PBX3: variants seen among roughly 807,000 people sequenced by gnomAD.
PBX3 encodes pre-B-cell leukemia transcription factor 3.
A neutral mutation model predicts 48.5 loss-of-function variants in PBX3; 14 were observed. That is an observed-to-expected ratio of 0.29 (90% CI 0.19 to 0.45). PBX3 has a LOEUF of 0.45. Ranked by LOEUF, PBX3 falls within the 20% of genes least tolerant of loss-of-function variation. The pLI is 1.00. For synonymous variants in PBX3, 210 were observed against 200.3 expected, an observed-to-expected ratio of 1.05 and a Z score of -0.41; for missense variants, 386 against 546.7, an observed-to-expected ratio of 0.71 and a Z score of 2.93.
chr9:125,773,938 C>T (rs1837006341), intron 2 of PBX3, among the ~76,000 whole-genome samples: 1 of 152,138 alleles, frequency 6.6e-6, no homozygotes, highest in Non-Finnish European at 1.5e-5. Flanking sequence ...TGTACAACCA[C>T]CACTTCTTTC....
chr9:125,940,574 G>A (rs1415961699), intron 5 of PBX3, among the ~76,000 whole-genome samples: 1 of 152,130 alleles, frequency 6.6e-6, no homozygotes, highest in Non-Finnish European at 1.5e-5. Flanking sequence ...ATTTGTAATA[G>A]CCAAAACTAG....
intron 2 of PBX3, among the ~76,000 whole-genome samples, chr9:125,795,848 T>TA (rs1454328357): frequency 6.6e-6 from 1 of 152,212 alleles, no homozygotes; most frequent in Non-Finnish European, 1.5e-5. Context: ...GTGTCCTTTT[T>TA]AAGAGTTGCA....
At chr9:125,811,677 A>G (rs1838294367) in intron 2 of PBX3, among the ~76,000 whole-genome samples, 1 of 152,212 alleles carries the variant, frequency 6.6e-6, no homozygotes, top group African/African-American at 2.4e-5. Flanking sequence ...GAATGGACTA[A>G]TACAGGCTGC....
intron 2 of PBX3, among the ~76,000 whole-genome samples, chr9:125,758,292 GT>G (rs1464400627): frequency 6.6e-6 from 1 of 151,286 alleles, no homozygotes; most frequent in African/African-American, 2.4e-5. Flanking sequence ...CATCAAACCA[GT>G]TTCCTTTTTT....
chr9:125,791,269 A>G (rs1305239520), intron 2 of PBX3, among the ~76,000 whole-genome samples: 1 of 149,980 alleles, frequency 6.7e-6, no homozygotes, highest in Non-Finnish European at 1.5e-5. Context: ...ATTGTAGTAC[A>G]CATACATTTT....
rs1191562722 is a variant in PBX3, at chr9:125,764,546, A to G, written c.274+15923A>G. On this transcript the variant is annotated intron_variant, in intron 2 of 8. Coordinates refer to ENST00000373489, the MANE Select transcript of PBX3 (RefSeq NM_006195.6). Reference sequence around the variant, plus strand: ...ATAAAAGCAGATTATGTCTTAAGGCACAAAGCAAGAATAAAGAGTTTATCG... The same window carrying G: ...ATAAAAGCAGATTATGTCTTAAGGCGCAAAGCAAGAATAAAGAGTTTATCG... 2.6e-4 allele frequency among the ~76,000 whole-genome samples: 40 copies of G among 152,254 alleles called. 1 individual carries two copies.
At chr9:125,852,756 T>C (rs1194888064) in intron 2 of PBX3, among the ~76,000 whole-genome samples, 1 of 152,210 alleles carries the variant, frequency 6.6e-6, no homozygotes, top group Non-Finnish European at 1.5e-5. Flanking sequence ...TATAACTTTT[T>C]CTGAGAATAT....
chr9:125,853,924 A>G (rs965241914), intron 2 of PBX3, among the ~76,000 whole-genome samples: 2 of 152,168 alleles, frequency 1.3e-5, no homozygotes, highest in African/African-American at 4.8e-5. Context: ...GAGTTAATAA[A>G]TGGACACTGA....
intron 2 of PBX3, among the ~76,000 whole-genome samples, chr9:125,796,263 A>G: frequency 6.6e-6 from 1 of 152,050 alleles, no homozygotes; most frequent in East Asian, 1.9e-4. Context: ...ATTTGAAACC[A>G]TAGCAGTTAA....
intron 5 of PBX3, among the ~76,000 whole-genome samples, chr9:125,959,980 A>C (rs1191481140): frequency 6.6e-6 from 1 of 152,190 alleles, no homozygotes; most frequent in Non-Finnish European, 1.5e-5. Context: ...CCTTTGTAGA[A>C]ATCTCTCTTC....
Position 125,967,173 on chromosome 9 carries a change from G to T in PBX3, c.*1250G>T, listed in dbSNP as rs1482029941. 6.6e-6 allele frequency: 1 copy of T among 152,200 alleles called. No homozygotes were observed. Among genetic ancestry groups the T allele is most frequent in the African/African-American group, 2.4e-5 (1 of 41,276 alleles). 9.4% of individuals were successfully genotyped at this position (152,200 alleles called of 1,614,324 possible). ...TGTATATTTCACCCTGTGTAATGGGGCCCCCTCTCCTTTCTCTCTTTTTGT... is the reference window on the plus strand; with the variant it reads ...TGTATATTTCACCCTGTGTAATGGGTCCCCCTCTCCTTTCTCTCTTTTTGT... On this transcript the variant is annotated 3_prime_UTR_variant, in exon 9 of 9. Coordinates refer to ENST00000373489, the MANE Select transcript of PBX3 (RefSeq NM_006195.6).
intron 2 of PBX3, among the ~76,000 whole-genome samples, chr9:125,831,512 T>C (rs1381000696): frequency 6.6e-6 from 1 of 152,068 alleles, no homozygotes; most frequent in Non-Finnish European, 1.5e-5. Context: ...TTAAAAGAGC[T>C]TTATCCATTC....
At chr9:125,902,712 A>G (rs1302857698) in intron 2 of PBX3, among the ~76,000 whole-genome samples, 2 of 151,660 alleles carry the variant, frequency 1.3e-5, no homozygotes, top group Non-Finnish European at 3.0e-5. Context: ...GCTATGTGCA[A>G]TAAGTTAATT....
chr9:125,755,015 T>A (rs1426991862), intron 2 of PBX3, among the ~76,000 whole-genome samples: 1 of 152,132 alleles, frequency 6.6e-6, no homozygotes, highest in Non-Finnish European at 1.5e-5. Context: ...AATGTAATCC[T>A]TTTAATGCTG....
rs770070594 is a variant in PBX3, at chr9:125,967,311, A to G, written c.*1388A>G. 57 of 152,666 alleles carry G rather than the reference A, an allele frequency of 3.7e-4. No homozygotes were observed. The highest frequency in any genetic ancestry group is 5.6e-4 in the Non-Finnish European group (38 of 68,042). 9.5% of individuals were successfully genotyped at this position (152,666 alleles called of 1,614,324 possible). ...TAACTGGATTACACCCTGGATTGAA[A>G]AAGTCTTCCTCGTGGTAGTTATATG... On this transcript the variant is annotated 3_prime_UTR_variant, in exon 9 of 9. Transcript: ENST00000373489.
chr9:125,871,648 G>A (rs1840128681), intron 2 of PBX3, among the ~76,000 whole-genome samples: 1 of 152,102 alleles, frequency 6.6e-6, no homozygotes, highest in Non-Finnish European at 1.5e-5. Context: ...GTTATTAAAA[G>A]GACTGAAATA....
intron 2 of PBX3, among the ~76,000 whole-genome samples, chr9:125,782,477 C>G (rs1001268739): frequency 6.6e-6 from 1 of 152,146 alleles, no homozygotes; most frequent in African/African-American, 2.4e-5. Context: ...CCATTTTTCT[C>G]TTTTATATTA....
At chr9:125,926,792 C>G (rs1841588471) in intron 3 of PBX3, among the ~76,000 whole-genome samples, 1 of 152,096 alleles carries the variant, frequency 6.6e-6, no homozygotes, top group African/African-American at 2.4e-5. Context: ...TGCACCACAG[C>G]CTGGGTAACA....
chr9:125,947,947 T>A (rs1222045783), intron 5 of PBX3, among the ~76,000 whole-genome samples: 1 of 152,122 alleles, frequency 6.6e-6, no homozygotes, highest in Non-Finnish European at 1.5e-5. Context: ...AAATTCAAAA[T>A]CATTATAAGA....
Sources: allele counts gnomAD v4.1 joint callset (sites outside exome capture counted in the v4.1 genomes callset), GRCh38; gene constraint gnomAD v4.1.1; transcripts MANE v1.5; gene names NCBI Gene and HGNC (gene_info 2026-07-23, HGNC 2026-07-21).